The following ARSF variants were observed in gnomAD, a reference collection of about 807,000 sequenced individuals.
The protein encoded by ARSF is arylsulfatase F.
Under a neutral mutation model 35.4 loss-of-function variants are expected in ARSF, and 33 were observed. That is an observed-to-expected ratio of 0.93 (90% CI 0.71 to 1.25). The LOEUF is 1.25. ARSF is among the 50% of genes most tolerant of loss of function. The pLI is 0.00. For missense variants in ARSF, 501 were observed against 480.2 expected (o/e 1.04, Z -0.40); for synonymous variants, 222 against 193.1 (o/e 1.15, Z -1.24).
chrX:3,084,262 G>A lies in ARSF; in HGVS notation c.426G>A (p.Leu142=). ...TTTTAGGCAAATGGCACCAAGGCTT[G>A]AACTGCGACTCCCGAAGTGACCAGT... is the stretch of plus-strand genomic sequence containing the variant. ...TGLIGKWHQG[L]NCDSRSDQCH... The change falls in exon 6 of 11, where the codon TTG becomes TTA. Residue 142 remains leucine (L), a synonymous_variant. Coordinates refer to ENST00000381127, the MANE Select transcript of ARSF (RefSeq NM_001201539.2). 1 of 1,211,109 alleles carries A rather than the reference G, an allele frequency of 8.3e-7. No individual in the cohort carries two copies. The highest frequency in any genetic ancestry group is 1.7e-5 in the African/African-American group (1 of 57,804).
intron 1 of ARSF, among the ~76,000 whole-genome samples, chrX:3,054,891 G>A (rs2090011467): frequency 9.3e-6 from 1 of 107,736 alleles, no homozygotes; most frequent in African/African-American, 3.4e-5. Context: ...GTGCCACTAC[G>A]CCTGGCTAAT....
intron 9 of ARSF, among the ~76,000 whole-genome samples, chrX:3,106,437 AG>A (rs1458123655): frequency 8.9e-6 from 1 of 111,829 alleles, no homozygotes. Flanking sequence ...ACTACGTAGA[AG>A]GGAACAAACA....
At chrX:3,061,532 C>T (rs2090041742) in intron 1 of ARSF, among the ~76,000 whole-genome samples, 1 of 111,342 alleles carries the variant, frequency 9.0e-6, no homozygotes, top group African/African-American at 3.3e-5. Flanking sequence ...CAAGACCCAA[C>T]AGTGTGCTGT....
At chrX:3,074,549 A>G (rs1257624887) in intron 3 of ARSF, among the ~76,000 whole-genome samples, 1 of 111,340 alleles carries the variant, frequency 9.0e-6, no homozygotes, top group African/African-American at 3.3e-5. Flanking sequence ...TTATTTTTTA[A>G]TTGACGAATT....
intron 1 of ARSF, among the ~76,000 whole-genome samples, chrX:3,045,399 T>C (rs1336639506): frequency 9.0e-6 from 1 of 111,290 alleles, no homozygotes; most frequent in East Asian, 2.8e-4. Context: ...TTTGCTGAAA[T>C]GCAGCAAGTT....
In ARSF at chrX:3,092,989, T is replaced by G. The variant is rs761486982; in HGVS notation, c.967+3357T>G. ...CAATCAAAACCATCCTGGTTAACACTGTGAAACCCCGTCTCTACTAAATAT... is the reference window on the plus strand; with the variant it reads ...CAATCAAAACCATCCTGGTTAACACGGTGAAACCCCGTCTCTACTAAATAT... On this transcript the variant is annotated intron_variant, in intron 7 of 10. Transcript: ENST00000381127. 6.8e-4 allele frequency among the ~76,000 whole-genome samples: 76 copies of G among 111,201 alleles called. 1 individual carries two copies. Among genetic ancestry groups the G allele is most frequent in the Admixed American group, 2.1e-3 (22 of 10,510 alleles).
intron 7 of ARSF, among the ~76,000 whole-genome samples, chrX:3,098,364 A>G (rs2090352903): frequency 9.0e-6 from 1 of 110,553 alleles, no homozygotes; most frequent in African/African-American, 3.3e-5. Context: ...ATAGAGAGAG[A>G]GAGATGCATC....
intron 1 of ARSF, among the ~76,000 whole-genome samples, chrX:3,067,114 T>C (rs2090071030): frequency 9.3e-6 from 1 of 107,297 alleles, no homozygotes; most frequent in Non-Finnish European, 1.9e-5. Context: ...CCTTCCTTTT[T>C]CTTTCTTAAC....
intron 1 of ARSF, among the ~76,000 whole-genome samples, chrX:3,051,921 A>G (rs772662757): frequency 9.0e-6 from 1 of 110,988 alleles, no homozygotes; most frequent in South Asian, 3.8e-4. Context: ...TGAGCTCAGG[A>G]GCTGGAGGTT....
intron 9 of ARSF, among the ~76,000 whole-genome samples, chrX:3,106,310 T>C (rs1008060179): frequency 3.6e-5 from 4 of 112,198 alleles, no homozygotes; most frequent in Non-Finnish European, 7.5e-5. Context: ...ACTCATCAGG[T>C]TGATTTTTTG....
chrX:3,055,970 G>A (rs1341955791), intron 1 of ARSF, among the ~76,000 whole-genome samples: 1 of 110,757 alleles, frequency 9.0e-6, no homozygotes, highest in African/African-American at 3.3e-5. Flanking sequence ...AATTTTTTTC[G>A]AGATGGGATC....
intron 4 of ARSF, among the ~76,000 whole-genome samples, chrX:3,080,466 T>A (rs1346498572): frequency 2.9e-5 from 2 of 68,266 alleles, no homozygotes; most frequent in Non-Finnish European, 5.5e-5. Context: ...AAGCGAGACT[T>A]CATCTCAAAA....
chrX:3,076,599 C>T lies in ARSF; in HGVS notation c.213C>T (p.His71=). Residue 71 remains histidine, a synonymous_variant, in exon 4 of 11, where the codon CAC becomes CAT. Coordinates refer to ENST00000381127, the MANE Select transcript of ARSF (RefSeq NM_001201539.2). The part of the protein sequence containing the change: ...LAREGVRLTQ[H]ISAASLCSPS... ...GGGAAGGCGTGCGACTGACTCAGCA[C>T]ATCTCTGCCGCCTCCCTCTGCAGCC... The T allele has an allele frequency of 8.3e-7, 1 of 1,210,922 alleles. No homozygotes were observed. The highest frequency in any genetic ancestry group is 1.1e-6 in the Non-Finnish European group (1 of 895,226).
chrX:3,047,397 C>T (rs1033559348), intron 1 of ARSF, among the ~76,000 whole-genome samples: 16 of 110,875 alleles, frequency 1.4e-4, no homozygotes, highest in African/African-American at 5.3e-4. Flanking sequence ...CCAGACTACT[C>T]TTGAACTCCT....
intron 1 of ARSF, among the ~76,000 whole-genome samples, chrX:3,052,921 G>T (rs2090002482): frequency 9.0e-6 from 1 of 111,194 alleles, no homozygotes; most frequent in Admixed American, 9.7e-5. Context: ...GTCTATCAAG[G>T]AAATTATTTT....
chrX:3,092,112 T>C (rs1445073491), intron 7 of ARSF, among the ~76,000 whole-genome samples: 2 of 109,794 alleles, frequency 1.8e-5, no homozygotes, highest in East Asian at 2.9e-4. Context: ...ATAGATAAGA[T>C]AGATAGATGA....
At chrX:3,042,653 T>C (rs1211777133) in intron 1 of ARSF, among the ~76,000 whole-genome samples, 3 of 109,223 alleles carry the variant, frequency 2.7e-5, no homozygotes, top group African/African-American at 6.7e-5. Flanking sequence ...CCCACCACCA[T>C]GCCTGGCTAA....
At chrX:3,097,442 A>G (rs1177739205) in intron 7 of ARSF, among the ~76,000 whole-genome samples, 1 of 112,209 alleles carries the variant, frequency 8.9e-6, no homozygotes, top group Non-Finnish European at 1.9e-5. Context: ...TTATAAATCA[A>G]TAATGGAAAC....
intron 4 of ARSF, among the ~76,000 whole-genome samples, chrX:3,077,650 A>G (rs2090162775): frequency 9.2e-6 from 1 of 109,245 alleles, no homozygotes; most frequent in Non-Finnish European, 1.9e-5. Flanking sequence ...AAACAAACAA[A>G]CAGCAACAAC....
Sources: allele counts gnomAD v4.1 joint callset (sites outside exome capture counted in the v4.1 genomes callset), GRCh38; gene constraint gnomAD v4.1.1; transcripts MANE v1.5; gene names NCBI Gene and HGNC (gene_info 2026-07-23, HGNC 2026-07-21).